The following RYR3 variants were observed in gnomAD, a reference collection of about 807,000 sequenced individuals.
RYR3 encodes the protein ryanodine receptor 3.
In RYR3, 207 loss-of-function variants were observed where a neutral mutation model predicts 584.3. The observed-to-expected ratio is 0.35, with a 90% CI of 0.32 to 0.40. The LOEUF (loss-of-function observed/expected upper bound fraction) is 0.40. Among genes scored for constraint, RYR3 ranks in the 10% least tolerant of loss-of-function variants. The pLI is 1.00. For synonymous variants in RYR3, 2,416 were observed against 2,248.5 expected (o/e 1.07, Z -2.11); for missense variants, 5,616 against 6,089.2 (o/e 0.92, Z 2.59).
chr15:33,460,975 C>T (rs28521278), intron 1 of RYR3, among the ~76,000 whole-genome samples: 2,873 of 60,562 alleles, frequency 0.047, 60 homozygotes, highest in Non-Finnish European at 0.063. Flanking sequence ...GACGGAGTCT[C>T]GCTGTGTCGC....
Position 33,382,319 on chromosome 15 carries a change from C to CTTTTTTTTTTTTTTT in RYR3, c.51+71231_51+71245dup, listed in dbSNP as rs34767570. Among the ~76,000 whole-genome samples the CTTTTTTTTTTTTTTT allele has an allele frequency of 1.9e-4, 20 of 104,786 alleles. 2 individuals are homozygous for CTTTTTTTTTTTTTTT. The highest frequency in any genetic ancestry group is 8.1e-4 in the African/African-American group (20 of 24,704). 68.7% of individuals were successfully genotyped at this position (104,786 alleles called of 152,430 possible). On this transcript the variant is annotated intron_variant, in intron 1 of 103. Transcript: ENST00000634891. ...CAGGAACTGCTAATTTTAAAAGTGG[C>CTTTTTTTTTTTTTTT]TTTTTTTTTTTTTTTTTTTTTTGAG... is the stretch of plus-strand genomic sequence containing the variant.
intron 70 of RYR3, among the ~76,000 whole-genome samples, chr15:33,808,954 C>G (rs1350282650): frequency 2.0e-5 from 3 of 152,154 alleles, no homozygotes; most frequent in Non-Finnish European, 4.4e-5. Context: ...GTTCTGCTGG[C>G]CAGGGATTTT....
In RYR3 at chr15:33,765,652, AAAAG is replaced by A. The variant is rs1338775428; in HGVS notation, c.8706-3002_8706-2999del. The stretch of plus-strand genomic sequence containing the variant: ...CGTCTCAAAAAAAAAAAAAAAAAAA[AAAAG>A]AAAATAGTCTAAATAGTCTAAAAAC... On this transcript the variant is annotated intron_variant, in intron 60 of 103. Coordinates refer to ENST00000634891, the MANE Select transcript of RYR3 (RefSeq NM_001036.6). 1.5e-3 allele frequency among the ~76,000 whole-genome samples: 228 copies of A among 149,450 alleles called. 1 individual carries two copies. The highest frequency in any genetic ancestry group is 2.9e-3 in the African/African-American group (117 of 39,676).
Position 33,660,303 on chromosome 15 carries a change from G to T in RYR3, c.4502G>T (p.Ser1501Ile). The T allele has an allele frequency of 6.3e-7, 1 of 1,576,062 alleles. No individual in the cohort carries two copies. Among genetic ancestry groups the T allele is most frequent in the East Asian group, 2.3e-5 (1 of 42,578 alleles). ...DVQTIQPVLW[S>I]RMPNSFLKVE... Reference sequence around the variant, plus strand: ...CAAACCATCCAGCCCGTGCTCTGGAGCCGCATGCCCAACAGCTTCCTGAAG... The same window carrying T: ...CAAACCATCCAGCCCGTGCTCTGGATCCGCATGCCCAACAGCTTCCTGAAG... Residue 1501 changes from serine (S) to isoleucine (I), a missense_variant, in exon 34 of 104, where the codon AGC becomes ATC. Ser to Ile is a moderately radical substitution (Grantham distance 142). This residue lies in a region of RYR3 where 753 missense variants were observed against 741.0 expected (regional missense o/e 1.02). Transcript: ENST00000634891.
intron 18 of RYR3, among the ~76,000 whole-genome samples, chr15:33,609,813 A>G (rs1017520692): frequency 6.6e-6 from 1 of 152,208 alleles, no homozygotes; most frequent in Non-Finnish European, 1.5e-5. Context: ...CTTGAACAGG[A>G]GGAAGAAAAG....
At position 33,562,840 on chromosome 15, in the gene RYR3, C is replaced by A. The variant is rs2057484851; in HGVS notation, c.976C>A (p.Leu326Ile). 1.2e-6 allele frequency: 2 copies of A among 1,610,410 alleles called. No individual in the cohort carries two copies. Among genetic ancestry groups the A allele is most frequent in the East Asian group, 4.5e-5 (2 of 44,804 alleles). The change falls in exon 11 of 104, where the codon CTC becomes ATC. Residue 326 changes from leucine to isoleucine, a missense_variant. Physicochemically the swap from Leu to Ile is conservative, Grantham distance 5 (BLOSUM62 2). Transcript: ENST00000634891. Reference protein sequence around the residue: ...TAFSFRASKELKEKLDSSHKR... With the variant: ...TAFSFRASKEIKEKLDSSHKR... Reference sequence around the variant, plus strand: ...TTTCTTTTTGTGTATGAATTAGGAACTCAAGGAGAAATTAGACTCCAGTCA... The same window carrying A: ...TTTCTTTTTGTGTATGAATTAGGAAATCAAGGAGAAATTAGACTCCAGTCA...
chr15:33,330,809 G>A (rs1970292139), intron 1 of RYR3, among the ~76,000 whole-genome samples: 1 of 152,178 alleles, frequency 6.6e-6, no homozygotes, highest in African/African-American at 2.4e-5. Flanking sequence ...TATAGATAGA[G>A]TGTATAGCAT....
chr15:33,593,867 T>C (rs2059249535), intron 16 of RYR3, among the ~76,000 whole-genome samples: 1 of 152,210 alleles, frequency 6.6e-6, no homozygotes, highest in Admixed American at 6.5e-5. Context: ...TAGGACTGGT[T>C]TGCTTTATTA....
chr15:33,656,417 C>T (rs978293922), intron 32 of RYR3, among the ~76,000 whole-genome samples: 1 of 152,220 alleles, frequency 6.6e-6, no homozygotes, highest in Non-Finnish European at 1.5e-5. Context: ...CAGTACCTGG[C>T]ATCTAGTGAA....
intron 32 of RYR3, among the ~76,000 whole-genome samples, chr15:33,653,278 CAAAAT>C (rs1407831610): frequency 1.3e-5 from 2 of 152,134 alleles, no homozygotes; most frequent in Admixed American, 6.5e-5. Flanking sequence ...CTTCTGTACT[CAAAAT>C]AGAAACCTAT....
chr15:33,800,901 C>A, intron 68 of RYR3, 44 bp downstream of exon 68: 1 of 1,343,474 alleles, frequency 7.4e-7, no homozygotes, highest in Non-Finnish European at 1.1e-6. Flanking sequence ...GTTGTGAAAG[C>A]TGCAGACCGT....
intron 66 of RYR3, among the ~76,000 whole-genome samples, chr15:33,786,940 G>A (rs1265531431): frequency 2.0e-5 from 3 of 152,178 alleles, no homozygotes; most frequent in Non-Finnish European, 4.4e-5. Context: ...GCTAATTGGT[G>A]TTCCTCTATT....
At chr15:33,541,080 G>T (rs769773491) in intron 7 of RYR3, among the ~76,000 whole-genome samples, 190 bp downstream of exon 7, 1 of 152,054 alleles carries the variant, frequency 6.6e-6, no homozygotes, top group Admixed American at 6.6e-5. Context: ...CCAGTTACAT[G>T]AGCATCCCTG....
chr15:33,348,671 T>C (rs1972791142), intron 1 of RYR3, among the ~76,000 whole-genome samples: 1 of 152,092 alleles, frequency 6.6e-6, no homozygotes, highest in Non-Finnish European at 1.5e-5. Context: ...AGACAAGGTT[T>C]CAGCATGTTA....
rs183771176 is a variant in RYR3, at chr15:33,547,054, G to C, written c.741-1076G>C. Among the ~76,000 whole-genome samples, 725 of 152,266 alleles carry C rather than the reference G, an allele frequency of 4.8e-3. 11 individuals are homozygous for C. Among genetic ancestry groups the C allele is most frequent in the South Asian group, 0.025 (119 of 4,826 alleles). On this transcript the variant is annotated intron_variant, in intron 8 of 103. Coordinates refer to ENST00000634891, the MANE Select transcript of RYR3 (RefSeq NM_001036.6). ...AGGTAATCTGGGGACTGCTGTTCTTGAGACATGCTCTTAAACTGTGAATTT... is the reference window on the plus strand; with the variant it reads ...AGGTAATCTGGGGACTGCTGTTCTTCAGACATGCTCTTAAACTGTGAATTT...
intron 12 of RYR3, among the ~76,000 whole-genome samples, chr15:33,567,683 T>C (rs986743721): frequency 1.3e-5 from 2 of 152,248 alleles, no homozygotes; most frequent in East Asian, 3.9e-4. Flanking sequence ...TGCTCTGACA[T>C]CTCCCACAGA....
chr15:33,789,716 C>G (rs2075024526), intron 67 of RYR3, among the ~76,000 whole-genome samples: 1 of 105,980 alleles, frequency 9.4e-6, no homozygotes, highest in Admixed American at 1.2e-4. Flanking sequence ...ACTTCGTCAC[C>G]CAGGCTGGAG....
intron 5 of RYR3, among the ~76,000 whole-genome samples, chr15:33,534,543 T>C (rs1366035896): frequency 6.6e-6 from 1 of 152,102 alleles, no homozygotes; most frequent in Non-Finnish European, 1.5e-5. Flanking sequence ...TAGTCAAAAA[T>C]ATTGACAGTT....
chr15:33,549,133 C>A (rs2056478824), intron 9 of RYR3, among the ~76,000 whole-genome samples: 1 of 152,040 alleles, frequency 6.6e-6, no homozygotes, highest in Non-Finnish European at 1.5e-5. Flanking sequence ...GGAGCGTGCA[C>A]TTACTAACTG....
Sources: allele counts gnomAD v4.1 joint callset (sites outside exome capture counted in the v4.1 genomes callset), GRCh38; gene constraint gnomAD v4.1.1; regional missense constraint gnomAD v4.1.1; transcripts MANE v1.5; gene names NCBI Gene and HGNC (gene_info 2026-07-23, HGNC 2026-07-21).